MKS1: variants seen among roughly 807,000 people sequenced by gnomAD.
MKS1 encodes MKS transition zone complex subunit 1.
A neutral mutation model predicts 83.7 loss-of-function variants in MKS1; 70 were observed. That is an observed-to-expected ratio of 0.84 (90% CI 0.69 to 1.02). The LOEUF (loss-of-function observed/expected upper bound fraction) is 1.02, where lower values mean the gene tolerates loss of function less well. Ranked by LOEUF, MKS1 falls within the 50% of genes least tolerant of loss-of-function variation. The pLI, the probability that MKS1 is intolerant of heterozygous loss-of-function variation, is 0.00. For synonymous variants in MKS1, 251 were observed against 273.4 expected, an observed-to-expected ratio of 0.92 and a Z score of 0.81; for missense variants, 681 against 726.9, an observed-to-expected ratio of 0.94 and a Z score of 0.73.
chr17:58,211,128 GC>G (rs1968851213), intron 9 of MKS1, 106 bp from the exon 10 acceptor site: 2 of 1,113,720 alleles, frequency 1.8e-6, no homozygotes, highest in Admixed American at 3.5e-5. Flanking sequence ...TAGGGGTCAG[GC>G]CCTGGGTGTC....
intron 1 of MKS1, 137 bp from the exon 2 acceptor site, chr17:58,218,866 T>G (rs1289696221): frequency 5.7e-6 from 5 of 882,516 alleles, no homozygotes; most frequent in Non-Finnish European, 9.1e-6. Flanking sequence ...AGGAGGTGGG[T>G]GGGTGCGCCG....
chr17:58,213,620 C>A, intron 7 of MKS1, 145 bp downstream of exon 7: 1 of 737,630 alleles, frequency 1.4e-6, no homozygotes, highest in South Asian at 1.5e-5. Context: ...GGCCCTATGA[C>A]TTGGAACAGA....
Position 58,207,533 on chromosome 17 carries a change from A to G in MKS1, c.1274-315T>C, listed in dbSNP as rs1968595266. 3.1e-5 allele frequency: 17 copies of G among 544,280 alleles called. 2 individuals are homozygous for G. In the South Asian group the frequency reaches 3.5e-4, roughly 11 times the overall value. The allele number at this position is 544,280 out of a possible 1,614,324, so 33.7% of individuals were successfully genotyped here. A position where few individuals can be genotyped will look rare whatever the true frequency, so the allele number is the denominator to read the frequency against. ...CCTCACAGAGTGACTGGGAGAATTA[A>G]GTGAGAAGTATGGCACAATGCCTGG... On this transcript the variant is annotated intron_variant, in intron 14 of 17. Transcript: ENST00000393119.
chr17:58,214,988 G>A (rs1969109372), intron 4 of MKS1, 150 bp from the exon 5 acceptor site: 5 of 1,276,506 alleles, frequency 3.9e-6, no homozygotes, highest in Middle Eastern at 5.3e-4. Context: ...AACGGAGGGA[G>A]CAGTAGCCAA....
rs773684291 is a variant in MKS1, at chr17:58,207,959, G to A, written c.1208C>T (p.Ser403Leu). Residue 403 changes from serine (S) to leucine (L), a missense_variant, in exon 14 of 18, where the codon TCG becomes TTG. Physicochemically the swap from Ser to Leu is moderately radical, Grantham distance 145 (BLOSUM62 -2). Around this residue, in one of 3 missense-constraint regions of MKS1, gnomAD observed 310 missense variants for 321.7 expected, o/e 0.96. Transcript: ENST00000393119. ...EWPVLYCEVL[S>L]LDFWQRYRVE... ...ACGGTACCTCTGCCAGAAGTCCAGC[G>A]AGAGGACCTCACAGTAGAGCACAGG... 9 of 1,613,974 alleles carry A rather than the reference G, an allele frequency of 5.6e-6. No homozygotes were observed. Among genetic ancestry groups the A allele is most frequent in the African/African-American group, 5.3e-5 (4 of 74,882 alleles).
intron 7 of MKS1, 74 bp from the exon 8 acceptor site, chr17:58,213,164 G>A (rs1010893182): frequency 7.0e-7 from 1 of 1,430,458 alleles, no homozygotes; most frequent in Non-Finnish European, 9.9e-7. Context: ...CCCAGCCCAG[G>A]GATGAGCGAT....
intron 11 of MKS1, 126 bp downstream of exon 11, chr17:58,210,533 A>G (rs1968811042): frequency 3.1e-6 from 3 of 971,354 alleles, no homozygotes; most frequent in Non-Finnish European, 4.9e-6. Flanking sequence ...GGTAAAGTGG[A>G]TGTGATCTAT....
chr17:58,214,177 GGAT>G, intron 6 of MKS1, 79 bp downstream of exon 6: 1 of 1,596,526 alleles, frequency 6.3e-7, no homozygotes. Flanking sequence ...CTATAACCTA[GGAT>G]GATAATAACA....
chr17:58,213,145 G>A (rs939162384), intron 7 of MKS1, 55 bp from the exon 8 acceptor site: 3 of 1,543,054 alleles, frequency 1.9e-6, no homozygotes, highest in Non-Finnish European at 1.8e-6. Context: ...GATGGGCCCT[G>A]GGATAGCTCC....
At chr17:58,207,427 C>A in intron 14 of MKS1, 1 of 653,516 alleles carries the variant, frequency 1.5e-6, no homozygotes, top group Non-Finnish European at 2.6e-6. Flanking sequence ...CCAGTTATTA[C>A]CTGCATACCC....
At chr17:58,211,184 T>C in intron 9 of MKS1, 162 bp from the exon 10 acceptor site, 1 of 665,808 alleles carries the variant, frequency 1.5e-6, no homozygotes, top group Admixed American at 2.3e-5. Context: ...CACAGATCTG[T>C]TTCCTTCATT....
rs773799292 is a variant in MKS1, at chr17:58,216,264, C to G, written c.262-21G>C. Reference sequence around the variant, plus strand: ...TCAAACTGAGGTTACCATAAGGAAACAGAGATGTGTACATCATTATAATAC... The same window carrying G: ...TCAAACTGAGGTTACCATAAGGAAAGAGAGATGTGTACATCATTATAATAC... On this transcript the variant is annotated intron_variant, in intron 3 of 17. Coordinates refer to ENST00000393119, the MANE Select transcript of MKS1 (RefSeq NM_017777.4). 1.9e-6 allele frequency: 3 copies of G among 1,608,638 alleles called. No individual in the cohort carries two copies. In the African/African-American group the frequency reaches 4.0e-5, roughly 21 times the overall value.
At position 58,206,042 on chromosome 17, in the gene MKS1, C is replaced by T; in HGVS notation, c.*37G>A. The T allele has an allele frequency of 1.3e-6, 2 of 1,583,960 alleles. No individual in the cohort carries two copies. Among genetic ancestry groups the T allele is most frequent in the Non-Finnish European group, 1.7e-6 (2 of 1,166,606 alleles). On this transcript the variant is annotated 3_prime_UTR_variant, in exon 18 of 18. Coordinates refer to ENST00000393119, the MANE Select transcript of MKS1 (RefSeq NM_017777.4). ...AGCACTGGCCTCAGATATCCCCCAT[C>T]TTGTCCTCTTGCACTGTGGGCCAGG...
In MKS1 at chr17:58,207,096, C is replaced by A. The variant is rs1393954275; in HGVS notation, c.1396G>T (p.Gly466Ter). The change falls in exon 15 of 18, where the codon GGA becomes TGA. Residue 466 changes from glycine (G) to a stop codon, truncating the protein, a stop_gained. Coordinates refer to ENST00000393119, the MANE Select transcript of MKS1 (RefSeq NM_017777.4). LOFTEE classifies it high-confidence loss of function. ...LEDLSYVRIP[G>*]SFKGERLSRF... ...AAGACAAAAGTCACCTTGAAGGATCCTGGTATCCGTACATAGGAGAGGTCC... is the reference window on the plus strand; with the variant it reads ...AAGACAAAAGTCACCTTGAAGGATCATGGTATCCGTACATAGGAGAGGTCC... The A allele has an allele frequency of 1.2e-6, 2 of 1,614,182 alleles. No individual in the cohort carries two copies. Among genetic ancestry groups the A allele is most frequent in the Admixed American group, 3.3e-5 (2 of 60,030 alleles).
Position 58,213,833 on chromosome 17 carries a change from A to G in MKS1, c.681T>C (p.Thr227=). 6.2e-7 allele frequency: 1 copy of G among 1,614,122 alleles called. No individual in the cohort carries two copies. Among genetic ancestry groups the G allele is most frequent in the South Asian group, 1.1e-5 (1 of 91,084 alleles). The change falls in exon 7 of 18, where the codon ACT becomes ACC. Residue 227 remains threonine, a synonymous_variant. Transcript: ENST00000393119. The part of the protein sequence containing the change: ...GYKKYEHVLC[T]LKVDSNGVIT... Reference sequence around the variant, plus strand: ...TCACACCATTGCTATCCACCTTCAGAGTACACAGGACATGTTCATACTTCT... The same window carrying G: ...TCACACCATTGCTATCCACCTTCAGGGTACACAGGACATGTTCATACTTCT...
At chr17:58,213,196 A>C (rs1968987840) in intron 7 of MKS1, 106 bp from the exon 8 acceptor site, 2 of 1,022,376 alleles carry the variant, frequency 2.0e-6, no homozygotes, top group South Asian at 1.3e-5. Flanking sequence ...CACCTCACTA[A>C]AGTATATGAT....
intron 14 of MKS1, 150 bp downstream of exon 14, chr17:58,207,744 C>G: frequency 1.3e-6 from 1 of 773,212 alleles, no homozygotes; most frequent in Non-Finnish European, 2.2e-6. Flanking sequence ...TGGAGGGGGG[C>G]AGAAAGTCCT....
chr17:58,216,643 G>A (rs1567806044), intron 3 of MKS1, 23 bp downstream of exon 3: 1 of 1,612,322 alleles, frequency 6.2e-7, no homozygotes, highest in East Asian at 2.2e-5. Flanking sequence ...AATAGACAGA[G>A]AAGACAAGAG....
intron 10 of MKS1, 41 bp downstream of exon 10, chr17:58,210,939 G>T (rs756996032): frequency 1.2e-6 from 2 of 1,601,694 alleles, no homozygotes; most frequent in Non-Finnish European, 1.7e-6. Flanking sequence ...ATCTAGGCAC[G>T]TGCCTAAGCA....
Sources: gnomAD v4.1 joint callset for allele counts on GRCh38, gnomAD v4.1.1 for gene constraint, gnomAD v4.1.1 regional missense constraint, MANE v1.5 for transcripts, NCBI Gene and HGNC (gene_info 2026-07-23, HGNC 2026-07-21) for gene names.